The following COL19A1 variants were observed in gnomAD, a reference collection of about 807,000 sequenced individuals.
The protein encoded by COL19A1 is collagen type XIX alpha 1 chain.
In COL19A1, 159 loss-of-function variants were observed where a neutral mutation model predicts 190.2. That is an observed-to-expected ratio of 0.84 (90% CI 0.73 to 0.95). The LOEUF (loss-of-function observed/expected upper bound fraction) is 0.95. Ranked by LOEUF, COL19A1 falls within the 40% of genes least tolerant of loss-of-function variation. COL19A1 has a pLI of 0.00. For synonymous variants in COL19A1, 509 were observed against 458.9 expected, an observed-to-expected ratio of 1.11 and a Z score of -1.39; for missense variants, 1,418 against 1,431.9, an observed-to-expected ratio of 0.99 and a Z score of 0.16.
chr6:70,169,525 A>G (rs12201626), intron 40 of COL19A1, among the ~76,000 whole-genome samples: 23,409 of 152,190 alleles, frequency 0.15, 2,282 homozygotes, highest in Non-Finnish European at 0.22. Context: ...GCAAAGGGAC[A>G]AGTCATAACA....
intron 11 of COL19A1, among the ~76,000 whole-genome samples, chr6:69,975,001 G>A (rs1168376254): frequency 1.3e-5 from 2 of 151,802 alleles, no homozygotes; most frequent in South Asian, 4.2e-4. Context: ...TTTTAGTGGA[G>A]ACAGGGTTTC....
chr6:69,981,007 A>T (rs1033040199), intron 11 of COL19A1, among the ~76,000 whole-genome samples: 1 of 152,218 alleles, frequency 6.6e-6, no homozygotes, highest in Non-Finnish European at 1.5e-5. Context: ...AATCTGACTT[A>T]TATAAATATA....
intron 15 of COL19A1, among the ~76,000 whole-genome samples, chr6:70,079,631 C>T (rs904573302): frequency 6.6e-6 from 1 of 152,014 alleles, no homozygotes; most frequent in South Asian, 2.1e-4. Flanking sequence ...TCAGAGGTAT[C>T]GGAGGATGGA....
At chr6:69,948,594 A>G (rs1773953877) in intron 9 of COL19A1, among the ~76,000 whole-genome samples, 1 of 151,812 alleles carries the variant, frequency 6.6e-6, no homozygotes, top group African/African-American at 2.4e-5. Context: ...ATAGTAAGAA[A>G]ACAAGTCTAG....
intron 15 of COL19A1, chr6:70,098,441 C>A: frequency 1.9e-6 from 1 of 512,884 alleles, no homozygotes; most frequent in South Asian, 1.4e-5. Flanking sequence ...AGATGTTGTT[C>A]CTTCTCAGAA....
At chr6:69,920,118 G>T (rs1047928410) in intron 4 of COL19A1, among the ~76,000 whole-genome samples, 1 of 151,858 alleles carries the variant, frequency 6.6e-6, no homozygotes, top group Non-Finnish European at 1.5e-5. Flanking sequence ...AGAAAGTAGA[G>T]AAAATATAAA....
At chr6:69,946,879 C>A (rs145753776) in intron 9 of COL19A1, among the ~76,000 whole-genome samples, 1 of 151,884 alleles carries the variant, frequency 6.6e-6, no homozygotes, top group East Asian at 1.9e-4. Flanking sequence ...CAAACTGTGG[C>A]CCTATAGTAG....
chr6:70,210,080 C>A lies in COL19A1; in HGVS notation c.*2806C>A, dbSNP rs1426473283. On this transcript the variant is annotated 3_prime_UTR_variant, in exon 51 of 51. Transcript: ENST00000620364. Reference sequence around the variant, plus strand: ...TTCAAAGCAGGGGAGAAGAATTATTCAATTTCATGAATAACTCTTGTTTGC... The same window carrying A: ...TTCAAAGCAGGGGAGAAGAATTATTAAATTTCATGAATAACTCTTGTTTGC... The A allele has an allele frequency of 6.6e-6, 1 of 152,088 alleles. No homozygotes were observed. Among genetic ancestry groups the A allele is most frequent in the Non-Finnish European group, 1.5e-5 (1 of 67,992 alleles). The allele number at this position is 152,088 out of a possible 1,614,324, so 9.4% of individuals were successfully genotyped here.
intron 42 of COL19A1, 32 bp from the exon 43 acceptor site, chr6:70,180,280 T>C: frequency 6.2e-7 from 1 of 1,613,820 alleles, no homozygotes; most frequent in Middle Eastern, 1.7e-4. Context: ...GCAATTTGGC[T>C]CCTAACATTT....
chr6:69,933,341 C>A (rs1334486994), intron 7 of COL19A1, among the ~76,000 whole-genome samples: 1 of 152,098 alleles, frequency 6.6e-6, no homozygotes, highest in Non-Finnish European at 1.5e-5. Flanking sequence ...GGATCAACTG[C>A]CTTCCCTATG....
At chr6:69,894,748 TG>T (rs971145562) in intron 2 of COL19A1, among the ~76,000 whole-genome samples, 11 of 152,168 alleles carry the variant, frequency 7.2e-5, no homozygotes, top group African/African-American at 2.4e-4. Flanking sequence ...TTACAGGCCA[TG>T]CCCCCAGGAT....
Position 70,035,560 on chromosome 6 carries a change from G to A in COL19A1, c.1135-344G>A, listed in dbSNP as rs562343927. Among the ~76,000 whole-genome samples the A allele has an allele frequency of 9.9e-5, 15 of 152,214 alleles. 1 individual carries two copies. In the South Asian group the frequency reaches 2.3e-3, roughly 23 times the overall value. On this transcript the variant is annotated intron_variant, in intron 13 of 50. Coordinates refer to ENST00000620364, the MANE Select transcript of COL19A1 (RefSeq NM_001858.6). ...TTTGTCAGACAAATTATCTATCGCC[G>A]TGACACTTCCCAGCTGCTTCATTGG...
At chr6:70,070,547 C>T (rs1271980633) in intron 15 of COL19A1, among the ~76,000 whole-genome samples, 1 of 152,104 alleles carries the variant, frequency 6.6e-6, no homozygotes, top group African/African-American at 2.4e-5. Flanking sequence ...TTGACATTAT[C>T]CACATTTACA....
chr6:70,028,055 T>C (rs997625708), intron 12 of COL19A1, among the ~76,000 whole-genome samples: 5 of 152,140 alleles, frequency 3.3e-5, no homozygotes, highest in African/African-American at 1.2e-4. Flanking sequence ...TCAATAGTAC[T>C]TACTGTAGGG....
At chr6:70,027,676 A>G (rs1202439897) in intron 12 of COL19A1, among the ~76,000 whole-genome samples, 2 of 149,784 alleles carry the variant, frequency 1.3e-5, no homozygotes, top group African/African-American at 5.1e-5. Flanking sequence ...AATAATGCAT[A>G]CAAAACATAT....
intron 15 of COL19A1, among the ~76,000 whole-genome samples, chr6:70,068,892 C>T (rs984569691): frequency 6.6e-6 from 1 of 151,956 alleles, no homozygotes; most frequent in African/African-American, 2.4e-5. Flanking sequence ...CCTTTCATTG[C>T]CATTTATTGC....
chr6:70,123,827 G>C (rs1292887380), intron 17 of COL19A1, among the ~76,000 whole-genome samples: 1 of 121,894 alleles, frequency 8.2e-6, no homozygotes, highest in Non-Finnish European at 1.7e-5. Flanking sequence ...CGGGGGAGGG[G>C]GGAGGGATAG....
chr6:69,991,257 G>A (rs190762187), intron 11 of COL19A1, among the ~76,000 whole-genome samples: 181 of 152,206 alleles, frequency 1.2e-3, no homozygotes, highest in Non-Finnish European at 1.4e-3. Context: ...GTATTCCATG[G>A]TGTGTATGTA....
intron 15 of COL19A1, among the ~76,000 whole-genome samples, chr6:70,099,548 A>AAAC (rs1282862932): frequency 1.2e-5 from 1 of 82,344 alleles, no homozygotes; most frequent in African/African-American, 5.5e-5. Context: ...ATTCCAAAAC[A>AAAC]AAAAAAAAAT....
Sources: allele counts gnomAD v4.1 joint callset (sites outside exome capture counted in the v4.1 genomes callset), GRCh38; gene constraint gnomAD v4.1.1; transcripts MANE v1.5; gene names NCBI Gene and HGNC (gene_info 2026-07-23, HGNC 2026-07-21).